The following C13orf42 variants were observed in gnomAD, a reference collection of about 807,000 sequenced individuals.
C13orf42 encodes the protein uncharacterized protein C13orf42.
At chr13:51,105,925 T>G (rs9670021) in intron 1 of C13orf42, among the ~76,000 whole-genome samples, 22,133 of 152,226 alleles carry the variant, frequency 0.15, 2,067 homozygotes, top group African/African-American at 0.26. Flanking sequence ...ATTCTTCATC[T>G]CAGATACTTT....
chr13:51,120,731 G>A (rs548244897), intron 1 of C13orf42, among the ~76,000 whole-genome samples: 5 of 152,228 alleles, frequency 3.3e-5, no homozygotes, highest in Admixed American at 6.5e-5. Context: ...TAAAATGCCC[G>A]TCATAGGTGA....
chr13:51,112,459 T>C (rs1036521452), upstream of C13orf42, among the ~76,000 whole-genome samples: 1 of 152,212 alleles, frequency 6.6e-6, no homozygotes, highest in Admixed American at 6.5e-5. Context: ...GTTTCTATCC[T>C]GCATCAGAAC....
chr13:51,147,006 A>G (rs932243761), intron 1 of C13orf42, among the ~76,000 whole-genome samples: 4 of 152,180 alleles, frequency 2.6e-5, no homozygotes, highest in Non-Finnish European at 4.4e-5. Context: ...CTAGGCTTCT[A>G]TCAACCTCAG....
chr13:51,106,393 C>T (rs1459422177), intron 1 of C13orf42, among the ~76,000 whole-genome samples: 1 of 151,686 alleles, frequency 6.6e-6, no homozygotes, highest in African/African-American at 2.4e-5. Flanking sequence ...CAGTACACAT[C>T]CTAAGGTGCA....
intron 1 of C13orf42, among the ~76,000 whole-genome samples, chr13:51,156,029 A>G (rs1236334526): frequency 6.6e-6 from 1 of 152,144 alleles, no homozygotes; most frequent in Non-Finnish European, 1.5e-5. Flanking sequence ...CTGGAACAAC[A>G]TTTTCTCTTA....
intron 1 of C13orf42, among the ~76,000 whole-genome samples, chr13:51,149,268 AG>A (rs1327476888): frequency 6.6e-6 from 1 of 150,692 alleles, no homozygotes; most frequent in Non-Finnish European, 1.5e-5. Flanking sequence ...TTTTATTCAA[AG>A]CAGAGGGAAA....
intron 1 of C13orf42, among the ~76,000 whole-genome samples, chr13:51,097,875 A>C (rs571022943): frequency 6.6e-6 from 1 of 152,160 alleles, no homozygotes; most frequent in East Asian, 1.9e-4. Context: ...ATCAGCCCTG[A>C]AGTAGCCCAG....
chr13:51,160,963 G>GAAAAAAAAAA (rs78703300), intron 1 of C13orf42, among the ~76,000 whole-genome samples: 1 of 105,050 alleles, frequency 9.5e-6, no homozygotes, highest in Non-Finnish European at 1.9e-5. Context: ...TTGGAAACAA[G>GAAAAAAAAAA]AAAAAAAAAA....
chr13:51,098,244 T>G (rs1325025610), intron 1 of C13orf42, among the ~76,000 whole-genome samples: 1 of 152,140 alleles, frequency 6.6e-6, no homozygotes, highest in Non-Finnish European at 1.5e-5. Context: ...TTCTGGGCTC[T>G]GTCAGTATTT....
chr13:51,113,295 G>A (rs1033211978), upstream of C13orf42: 2 of 152,160 alleles, frequency 1.3e-5, no homozygotes, highest in African/African-American at 4.8e-5. Context: ...AAATGGACAG[G>A]ACATTAAGCA....
chr13:51,085,988 G>A (rs1953120118), intron 2 of C13orf42, among the ~76,000 whole-genome samples: 1 of 152,048 alleles, frequency 6.6e-6, no homozygotes, highest in African/African-American at 2.4e-5. Flanking sequence ...CTGCACTCCA[G>A]CCTGGATGAC....
upstream of C13orf42, among the ~76,000 whole-genome samples, chr13:51,113,784 C>A (rs1051829950): frequency 2.0e-5 from 3 of 152,148 alleles, no homozygotes; most frequent in East Asian, 5.8e-4. Context: ...AAATCAGTCC[C>A]CCCAGGCTTG....
intron 1 of C13orf42, among the ~76,000 whole-genome samples, chr13:51,156,390 T>A (rs1305223812): frequency 1.3e-5 from 2 of 152,112 alleles, no homozygotes; most frequent in African/African-American, 4.8e-5. Flanking sequence ...CTCAAATAAC[T>A]CTGTGATACA....
rs146478547 is a variant in C13orf42, at chr13:51,157,095, G to A, written n.136+15158C>T. Reference sequence around the variant, plus strand: ...GTGCAGATGTCCAGATCCAGGCCTAGAACACTTCCAGCACCCCAGAGGCTC... The same window carrying A: ...GTGCAGATGTCCAGATCCAGGCCTAAAACACTTCCAGCACCCCAGAGGCTC... On this transcript the variant is annotated intron_variant and non_coding_transcript_variant, in intron 1 of 4. Coordinates refer to the C13orf42 transcript ENST00000433280. Among the ~76,000 whole-genome samples the A allele has an allele frequency of 4.0e-3, 603 of 152,294 alleles. 3 individuals carry two copies. The highest frequency in any genetic ancestry group is 6.2e-3 in the Non-Finnish European group (419 of 68,026).
intron 1 of C13orf42, among the ~76,000 whole-genome samples, chr13:51,159,612 G>T (rs1407754298): frequency 1.3e-5 from 2 of 152,152 alleles, no homozygotes; most frequent in African/African-American, 4.8e-5. Flanking sequence ...AGATCTCAGG[G>T]TTATTGAAAT....
rs536796695 is a variant in C13orf42, at chr13:51,082,684, G to A, written c.*1467C>T. On this transcript the variant is annotated 3_prime_UTR_variant, in exon 4 of 4. Transcript: ENST00000563710. ...AAATCTCCTAAACATTTACTTTCCAGTCAAGCTTCTGGCTATAGCTGGGTT... is the reference window on the plus strand; with the variant it reads ...AAATCTCCTAAACATTTACTTTCCAATCAAGCTTCTGGCTATAGCTGGGTT... 6 of 152,318 alleles carry A rather than the reference G, an allele frequency of 3.9e-5. No individual in the cohort carries two copies. In the South Asian group the frequency reaches 1.2e-3, roughly 32 times the overall value. The allele number at this position is 152,318 out of a possible 1,614,324, so 9.4% of individuals were successfully genotyped here.
rs143913552 is a variant in C13orf42, at chr13:51,159,343, A to G, written n.136+12910T>C. Among the ~76,000 whole-genome samples, 58 of 152,364 alleles carry G rather than the reference A, an allele frequency of 3.8e-4. No homozygotes were observed. The East Asian group carries it at 0.011, about 28-fold the overall frequency. ...GACAGTGATTAAAAAAACAGATGTC[A>G]GGATGAGGACTAGGGAACAGTGTGG... On this transcript the variant is annotated intron_variant and non_coding_transcript_variant, in intron 1 of 4. Transcript: ENST00000433280.
At chr13:51,114,972 A>G (rs921731097), upstream of C13orf42, among the ~76,000 whole-genome samples, 3 of 152,234 alleles carry the variant, frequency 2.0e-5, no homozygotes, top group Non-Finnish European at 4.4e-5. Context: ...ATCACTTTGT[A>G]TATCAAAAGA....
At chr13:51,139,082 C>T (rs560977846) in intron 1 of C13orf42, among the ~76,000 whole-genome samples, 2 of 152,140 alleles carry the variant, frequency 1.3e-5, no homozygotes, top group South Asian at 4.2e-4. Context: ...TTTGGGAAGC[C>T]GAGGTGGGTG....
Sources: allele counts gnomAD v4.1 joint callset (sites outside exome capture counted in the v4.1 genomes callset), GRCh38; gene constraint gnomAD v4.1.1; transcripts MANE v1.5; gene names NCBI Gene and HGNC (gene_info 2026-07-23, HGNC 2026-07-21).